The following RASA2 variants were observed in gnomAD, a reference collection of about 807,000 sequenced individuals.
The protein encoded by RASA2 is RAS p21 protein activator 2.
In RASA2, 155 loss-of-function variants were observed where a neutral mutation model predicts 118.2. The ratio of observed to expected loss-of-function variants is 1.31; its 90% CI spans 1.15 to 1.50. The LOEUF is 1.50. RASA2 is among the 40% of genes most tolerant of loss of function. The pLI is 0.00. For missense variants in RASA2, 1,016 were observed against 1,009.6 expected, an observed-to-expected ratio of 1.01 and a Z score of -0.09; for synonymous variants, 353 against 349.1, an observed-to-expected ratio of 1.01 and a Z score of -0.12.
chr3:141,506,456 TTTA>T (rs2081868435), intron 1 of RASA2, among the ~76,000 whole-genome samples: 1 of 152,226 alleles, frequency 6.6e-6, no homozygotes, highest in Admixed American at 6.5e-5. Context: ...AAAAACCATT[TTTA>T]TTATTTCAGC....
At chr3:141,581,750 G>A (rs1322196214) in intron 17 of RASA2, among the ~76,000 whole-genome samples, 1 of 152,070 alleles carries the variant, frequency 6.6e-6, no homozygotes, top group Non-Finnish European at 1.5e-5. Flanking sequence ...TAAATTTATG[G>A]TAGTAACCTG....
chr3:141,515,507 G>A (rs890511750), intron 2 of RASA2, among the ~76,000 whole-genome samples: 6 of 152,114 alleles, frequency 3.9e-5, no homozygotes, highest in African/African-American at 1.4e-4. Context: ...AGCTTGGTTT[G>A]TATAGAACTT....
intron 9 of RASA2, among the ~76,000 whole-genome samples, chr3:141,568,005 G>A (rs1048228239): frequency 6.6e-6 from 1 of 152,138 alleles, no homozygotes; most frequent in African/African-American, 2.4e-5. Context: ...TTAGTAAGGA[G>A]GGTTGAAATT....
Position 141,560,578 on chromosome 3 carries a change from CTAA to C in RASA2, c.863+590_863+592del, listed in dbSNP as rs536399844. ...AATATTATTTTAGTTTTCAGTGACT[CTAA>C]TAATAACATTACACTGATGTTAAAT... On this transcript the variant is annotated intron_variant, in intron 9 of 23. Transcript: ENST00000286364. Among the ~76,000 whole-genome samples the C allele has an allele frequency of 1.1e-4, 16 of 152,256 alleles. No individual in the cohort carries two copies. In the South Asian group the frequency reaches 3.1e-3, roughly 30 times the overall value.
chr3:141,521,457 C>A (rs1400230012), intron 3 of RASA2, among the ~76,000 whole-genome samples: 1 of 152,112 alleles, frequency 6.6e-6, no homozygotes, highest in Non-Finnish European at 1.5e-5. Context: ...GCCATCATAC[C>A]TTAAGAAAAA....
Position 141,608,599 on chromosome 3 carries a change from CA to C in RASA2, c.2128del (p.Arg710GlyfsTer11). ...GCAGGGTGAGCCGATGCAATCAAAA[CA>C]GGCTCAGTTTTTATCATCCCTCTGT... ...LCRVSRCNQN[R>X]LSFYHPSVYL... On this transcript the variant is annotated frameshift_variant, in exon 21 of 24. Transcript: ENST00000286364. LOFTEE classifies it high-confidence loss of function. 4 of 1,613,910 alleles carry C rather than the reference CA, an allele frequency of 2.5e-6. No homozygotes were observed. The highest frequency in any genetic ancestry group is 3.4e-6 in the Non-Finnish European group (4 of 1,179,864).
At chr3:141,554,794 A>G (rs1395566220) in intron 6 of RASA2, among the ~76,000 whole-genome samples, 2 of 152,242 alleles carry the variant, frequency 1.3e-5, no homozygotes, top group Non-Finnish European at 2.9e-5. Flanking sequence ...AAACAATAGT[A>G]TGCTATTAGC....
intron 3 of RASA2, among the ~76,000 whole-genome samples, chr3:141,517,925 G>A (rs938601878): frequency 2.0e-5 from 3 of 151,992 alleles, no homozygotes; most frequent in East Asian, 2.0e-4. Context: ...AAAGTGCTGG[G>A]ATTACAGGCG....
At chr3:141,554,067 G>A in intron 6 of RASA2, 127 bp downstream of exon 6, 1 of 1,401,402 alleles carries the variant, frequency 7.1e-7, no homozygotes, top group South Asian at 1.6e-5. Flanking sequence ...TGCTTTGAAA[G>A]AAAAATCTTT....
At chr3:141,582,099 A>G (rs1462305898) in intron 17 of RASA2, among the ~76,000 whole-genome samples, 1 of 152,214 alleles carries the variant, frequency 6.6e-6, no homozygotes, top group Non-Finnish European at 1.5e-5. Context: ...CAAATTAGCA[A>G]AGCCAAATGT....
At chr3:141,570,186 G>A (rs2082894887) in intron 9 of RASA2, among the ~76,000 whole-genome samples, 2 of 149,386 alleles carry the variant, frequency 1.3e-5, no homozygotes, top group African/African-American at 4.9e-5. Flanking sequence ...TTAAAACAAG[G>A]TTACTTACGC....
intron 5 of RASA2, among the ~76,000 whole-genome samples, chr3:141,552,363 T>C (rs956264368): frequency 3.9e-5 from 6 of 152,194 alleles, no homozygotes; most frequent in African/African-American, 1.4e-4. Context: ...TGGACTTCAG[T>C]AACAAAATTA....
At chr3:141,536,947 G>A (rs757702944) in intron 4 of RASA2, among the ~76,000 whole-genome samples, 5 of 151,848 alleles carry the variant, frequency 3.3e-5, no homozygotes, top group Non-Finnish European at 5.9e-5. Context: ...GGGTTTCTCC[G>A]TGTTGGTCAG....
intron 19 of RASA2, among the ~76,000 whole-genome samples, chr3:141,592,216 A>G (rs2083295232): frequency 6.6e-6 from 1 of 152,232 alleles, no homozygotes; most frequent in East Asian, 1.9e-4. Context: ...AGAAAGTGAC[A>G]TTTGAGCAAA....
intron 1 of RASA2, among the ~76,000 whole-genome samples, chr3:141,509,596 C>T (rs2081920209): frequency 1.3e-5 from 2 of 151,802 alleles, no homozygotes; most frequent in Non-Finnish European, 2.9e-5. Context: ...GTTGGACTTT[C>T]GTTTAAAAAA....
chr3:141,517,413 G>A (rs2082042751), intron 3 of RASA2, among the ~76,000 whole-genome samples: 1 of 152,168 alleles, frequency 6.6e-6, no homozygotes, highest in Non-Finnish European at 1.5e-5. Flanking sequence ...ATGAGTGAAA[G>A]GCAAAGGGGA....
chr3:141,555,554 TATAGA>T (rs777753244), intron 6 of RASA2, among the ~76,000 whole-genome samples: 2 of 151,586 alleles, frequency 1.3e-5, no homozygotes, highest in Non-Finnish European at 2.9e-5. Context: ...CTGAGTTGCT[TATAGA>T]ATAGAATGTG....
rs1310266547 is a variant in RASA2 at position 141,610,026 on chromosome 3, T to C, written c.2479T>C (p.Tyr827His). Residue 827 changes from tyrosine to histidine, a missense_variant, in exon 23 of 24, where the codon TAT (tyrosine) becomes CAT (histidine). Coordinates refer to ENST00000286364, the MANE Select transcript of RASA2 (RefSeq NM_006506.5). ...GAAGCTGGATGAACCTCATGAAAAA[T>C]ATAGGAAGAAAAGATCCAGTAGTGC... ...IEKLDEPHEK[Y>H]RKKRSSSAKY... is the part of the protein sequence containing the mutation. The C allele has an allele frequency of 1.2e-6, 2 of 1,602,334 alleles. No homozygotes were observed. The highest frequency in any genetic ancestry group is 1.7e-6 in the Non-Finnish European group (2 of 1,174,882).
At chr3:141,570,412 G>T (rs1463000416) in intron 9 of RASA2, among the ~76,000 whole-genome samples, 1 of 151,986 alleles carries the variant, frequency 6.6e-6, no homozygotes, top group Non-Finnish European at 1.5e-5. Context: ...TAAAGACAGG[G>T]TTTCACCATG....
Sources: gnomAD v4.1 joint callset for allele counts (sites outside exome capture counted in the v4.1 genomes callset) on GRCh38, gnomAD v4.1.1 for gene constraint, MANE v1.5 for transcripts, NCBI Gene and HGNC (gene_info 2026-07-23, HGNC 2026-07-21) for gene names.